Variants in DLC1 observed in about 807,000 individuals in gnomAD.
DLC1 encodes DLC1 Rho GTPase activating protein, also known as rho GTPase-activating protein 7.
Under a neutral mutation model 140.3 loss-of-function variants are expected in DLC1, and 54 were observed. The observed-to-expected ratio is 0.38, with a 90% CI of 0.31 to 0.48. The LOEUF (loss-of-function observed/expected upper bound fraction) is 0.48. Among genes scored for constraint, DLC1 ranks in the 20% least tolerant of loss-of-function variants. The pLI, the probability that DLC1 is intolerant of heterozygous loss-of-function variation, is 0.96. For synonymous variants in DLC1, 986 were observed against 728.1 expected (o/e 1.35, Z -5.70); for missense variants, 2,536 against 1,907.0 (o/e 1.33, Z -6.14).
intron 5 of DLC1, among the ~76,000 whole-genome samples, chr8:13,221,280 G>A (rs1012447403): frequency 6.6e-6 from 1 of 152,134 alleles, no homozygotes; most frequent in African/African-American, 2.4e-5. Context: ...AGATTGGGAA[G>A]AGCCCTCAAA....
intron 1 of DLC1, among the ~76,000 whole-genome samples, chr8:13,531,244 C>G (rs771741762): frequency 6.6e-6 from 1 of 152,146 alleles, no homozygotes; most frequent in Non-Finnish European, 1.5e-5. Flanking sequence ...CTATAGCAGC[C>G]TGAACAGGCT....
At chr8:13,360,613 A>G (rs1835178528) in intron 4 of DLC1, among the ~76,000 whole-genome samples, 1 of 152,210 alleles carries the variant, frequency 6.6e-6, no homozygotes, top group Admixed American at 6.5e-5. Context: ...GGAGGTTGAG[A>G]ACCACTGAGA....
At chr8:13,313,928 G>A (rs1832772842) in intron 4 of DLC1, among the ~76,000 whole-genome samples, 1 of 152,018 alleles carries the variant, frequency 6.6e-6, no homozygotes, top group Non-Finnish European at 1.5e-5. Flanking sequence ...TTTTAGGTAA[G>A]CCAGTGATGA....
chr8:13,350,321 G>A (rs1260439945), intron 4 of DLC1, among the ~76,000 whole-genome samples: 1 of 147,296 alleles, frequency 6.8e-6, no homozygotes, highest in African/African-American at 2.5e-5. Flanking sequence ...TTTGTTCTTT[G>A]TCATTTACTG....
intron 4 of DLC1, among the ~76,000 whole-genome samples, chr8:13,379,854 A>G (rs1836172393): frequency 6.6e-6 from 1 of 152,174 alleles, no homozygotes; most frequent in African/African-American, 2.4e-5. Context: ...AGGGACATCG[A>G]TGAAACTGGA....
At chr8:13,497,044 C>G (rs1801547521) in intron 2 of DLC1, among the ~76,000 whole-genome samples, 2 of 152,030 alleles carry the variant, frequency 1.3e-5, no homozygotes, top group African/African-American at 4.8e-5. Flanking sequence ...TCGTGATACG[C>G]CTGCCTCGGC....
chr8:13,132,900 C>G lies in DLC1; in HGVS notation c.1349-17243G>C, dbSNP rs997184271. 5.1e-6 allele frequency: 8 copies of G among 1,562,216 alleles called. No homozygotes were observed. In the Middle Eastern group the frequency reaches 6.6e-4, roughly 130 times the overall value. On this transcript the variant is annotated intron_variant, in intron 5 of 17. Transcript: ENST00000276297. ...CTCGCGGCGGGTCCCCTCCGCAGCC[C>G]GCTCCCGCGGCCAGCCCGACGGCAA... is the stretch of plus-strand genomic sequence containing the variant.
intron 4 of DLC1, among the ~76,000 whole-genome samples, chr8:13,351,783 C>G (rs1257643507): frequency 1.3e-5 from 2 of 152,322 alleles, no homozygotes; most frequent in East Asian, 3.9e-4. Flanking sequence ...CCCTGGATGT[C>G]TATGTTCTGA....
intron 1 of DLC1, among the ~76,000 whole-genome samples, chr8:13,541,151 T>C (rs996341583): frequency 6.6e-6 from 1 of 152,230 alleles, no homozygotes; most frequent in African/African-American, 2.4e-5. Flanking sequence ...TTTTTATTGC[T>C]GAGTAGTATT....
intron 5 of DLC1, among the ~76,000 whole-genome samples, chr8:13,115,881 T>C (rs972563279): frequency 6.6e-6 from 1 of 152,164 alleles, no homozygotes; most frequent in African/African-American, 2.4e-5. Context: ...TTACAAAAAA[T>C]AGAAATGGGG....
At chr8:13,200,228 T>A (rs1827304870) in intron 5 of DLC1, among the ~76,000 whole-genome samples, 1 of 148,544 alleles carries the variant, frequency 6.7e-6, no homozygotes, top group African/African-American at 2.5e-5. Context: ...ATTTTTTGTA[T>A]ATATATATTT....
intron 5 of DLC1, among the ~76,000 whole-genome samples, chr8:13,116,767 T>C (rs1457943554): frequency 1.3e-5 from 2 of 152,144 alleles, no homozygotes; most frequent in African/African-American, 4.8e-5. Flanking sequence ...ATTTGATCAA[T>C]GAACACAGGA....
At chr8:13,576,733 G>C (rs1804850484) in intron 1 of DLC1, among the ~76,000 whole-genome samples, 1 of 152,140 alleles carries the variant, frequency 6.6e-6, no homozygotes, top group Non-Finnish European at 1.5e-5. Flanking sequence ...CCAGAGTAGG[G>C]TATGATCAGT....
chr8:13,296,178 G>A (rs569150095), intron 5 of DLC1, among the ~76,000 whole-genome samples: 35 of 151,742 alleles, frequency 2.3e-4, no homozygotes, highest in African/African-American at 7.7e-4. Context: ...CTGGTCTCGA[G>A]CTCTTGGCCT....
chr8:13,361,811 G>A (rs1050743970), intron 4 of DLC1, among the ~76,000 whole-genome samples: 2 of 152,170 alleles, frequency 1.3e-5, no homozygotes, highest in African/African-American at 4.8e-5. Context: ...GCTGACAGTA[G>A]GCGTTGCTGC....
intron 1 of DLC1, among the ~76,000 whole-genome samples, chr8:13,553,136 A>G (rs1803919588): frequency 6.8e-6 from 1 of 147,484 alleles, no homozygotes; most frequent in Non-Finnish European, 1.5e-5. Context: ...CTAGTGTGCT[A>G]TTGATTGCTA....
chr8:13,354,042 CT>C (rs57814327), intron 4 of DLC1, among the ~76,000 whole-genome samples: 1 of 147,024 alleles, frequency 6.8e-6, no homozygotes, highest in Non-Finnish European at 1.5e-5. Flanking sequence ...ACATACTGAA[CT>C]TTTTTTTTTT....
At chr8:13,451,618 G>T (rs1799062732) in intron 2 of DLC1, among the ~76,000 whole-genome samples, 1 of 152,110 alleles carries the variant, frequency 6.6e-6, no homozygotes, top group African/African-American at 2.4e-5. Context: ...AACATGTAAT[G>T]CTTGTCTTTC....
At chr8:13,558,859 G>A (rs1563440063) in intron 1 of DLC1, 1 of 152,146 alleles carries the variant, frequency 6.6e-6, no homozygotes, top group African/African-American at 2.4e-5. Flanking sequence ...CAGGAGGGCC[G>A]ATGACTTTTA....
Sources: gnomAD v4.1 joint callset for allele counts (sites outside exome capture counted in the v4.1 genomes callset) on GRCh38, gnomAD v4.1.1 for gene constraint, MANE v1.5 for transcripts, NCBI Gene and HGNC (gene_info 2026-07-23, HGNC 2026-07-21) for gene names.